Variants in NCALD observed in about 807,000 individuals in gnomAD.
The protein encoded by NCALD is neurocalcin delta, also known as neurocalcin-delta.
In NCALD, 10 loss-of-function variants were observed where a neutral mutation model predicts 18.6. That is an observed-to-expected ratio of 0.54 (90% confidence interval 0.33 to 0.91). The LOEUF (loss-of-function observed/expected upper bound fraction) is 0.91, where lower values mean the gene tolerates loss of function less well. Among genes scored for constraint, NCALD ranks in the 40% least tolerant of loss-of-function variants. The pLI, the probability that NCALD is intolerant of heterozygous loss-of-function variation, is 0.03. For synonymous variants in NCALD, 88 were observed against 87.4 expected, an observed-to-expected ratio of 1.01 and a Z score of -0.04; for missense variants, 184 against 247.6, an observed-to-expected ratio of 0.74 and a Z score of 1.72.
At chr8:101,851,624 C>A (rs1302845726) in intron 4 of NCALD, among the ~76,000 whole-genome samples, 1 of 152,174 alleles carries the variant, frequency 6.6e-6, no homozygotes, top group Non-Finnish European at 1.5e-5. Context: ...TGGACCCCAG[C>A]TACTCCATAC....
chr8:101,891,852 G>A (rs111571901), intron 3 of NCALD, among the ~76,000 whole-genome samples: 8,652 of 152,218 alleles, frequency 0.057, 647 homozygotes, highest in African/African-American at 0.17. Flanking sequence ...CACCTGGCTC[G>A]GAGGGTCCTA....
At chr8:102,042,519 T>A (rs1563567698) in intron 1 of NCALD, among the ~76,000 whole-genome samples, 1 of 151,824 alleles carries the variant, frequency 6.6e-6, no homozygotes, top group African/African-American at 2.4e-5. Context: ...TGTGTTGGAA[T>A]CCAAGTTTCT....
At chr8:102,018,724 C>T (rs1822173134) in intron 2 of NCALD, among the ~76,000 whole-genome samples, 1 of 152,078 alleles carries the variant, frequency 6.6e-6, no homozygotes, top group South Asian at 2.1e-4. Context: ...ATGAATTTTA[C>T]CATGTGTTAA....
intron 1 of NCALD, among the ~76,000 whole-genome samples, chr8:102,113,714 A>T (rs1369795844): frequency 6.6e-6 from 1 of 152,202 alleles, no homozygotes. Flanking sequence ...ACTCTCAAAA[A>T]TGTCCCAATG....
At chr8:101,984,431 C>T (rs1820729629) in intron 2 of NCALD, among the ~76,000 whole-genome samples, 1 of 152,272 alleles carries the variant, frequency 6.6e-6, no homozygotes, top group South Asian at 2.1e-4. Flanking sequence ...AGAATAAGGG[C>T]AAAAACCTGC....
At chr8:101,766,834 C>T (rs113654743) in intron 1 of NCALD, among the ~76,000 whole-genome samples, 6,174 of 152,278 alleles carry the variant, frequency 0.041, 304 homozygotes, top group African/African-American at 0.12. Context: ...CCACCTGGGC[C>T]TCCCAAAGTG....
chr8:101,921,206 A>C (rs749184980), intron 2 of NCALD, among the ~76,000 whole-genome samples: 5 of 152,042 alleles, frequency 3.3e-5, no homozygotes, highest in Non-Finnish European at 5.9e-5. Context: ...TTAGTCTGTC[A>C]AGTACAATTT....
At chr8:101,985,510 G>C (rs1179451412) in intron 2 of NCALD, among the ~76,000 whole-genome samples, 1 of 152,234 alleles carries the variant, frequency 6.6e-6, no homozygotes, top group African/African-American at 2.4e-5. Flanking sequence ...AGAGGATGGA[G>C]AAATGAGAGA....
chr8:101,986,539 C>T (rs999897536), intron 2 of NCALD: 2 of 152,282 alleles, frequency 1.3e-5, no homozygotes, highest in Non-Finnish European at 2.9e-5. Flanking sequence ...TCCCTGCCCA[C>T]CGCAGCTGCC....
chr8:102,007,780 G>A (rs1259379619), intron 2 of NCALD, among the ~76,000 whole-genome samples: 2 of 152,138 alleles, frequency 1.3e-5, no homozygotes, highest in Admixed American at 1.3e-4. Flanking sequence ...TGCAGTGCAT[G>A]TCCACACCCT....
At chr8:101,875,338 T>C (rs996261161) in intron 4 of NCALD, among the ~76,000 whole-genome samples, 4 of 152,324 alleles carry the variant, frequency 2.6e-5, no homozygotes, top group Admixed American at 2.6e-4. Flanking sequence ...AACAGCTAGC[T>C]CAGGCTGTCC....
chr8:102,076,507 T>C (rs1359430524), intron 1 of NCALD, among the ~76,000 whole-genome samples: 1 of 149,674 alleles, frequency 6.7e-6, no homozygotes, highest in East Asian at 1.9e-4. Flanking sequence ...CTCAAGGCCA[T>C]TAAACTCAAT....
At chr8:101,958,711 A>T (rs1050175365) in intron 2 of NCALD, among the ~76,000 whole-genome samples, 3 of 152,150 alleles carry the variant, frequency 2.0e-5, no homozygotes, top group Non-Finnish European at 4.4e-5. Context: ...AACTCACCCA[A>T]GGACACTCAG....
chr8:102,104,848 T>C (rs779539092), intron 1 of NCALD, among the ~76,000 whole-genome samples: 2 of 152,176 alleles, frequency 1.3e-5, no homozygotes, highest in Non-Finnish European at 2.9e-5. Context: ...GCCTGACCAA[T>C]CAGCTTGCCT....
intron 4 of NCALD, among the ~76,000 whole-genome samples, chr8:101,799,554 C>A (rs1245560677): frequency 6.6e-6 from 1 of 152,160 alleles, no homozygotes; most frequent in African/African-American, 2.4e-5. Flanking sequence ...AGTAAATGAA[C>A]TGTACTATAT....
At chr8:101,892,260 C>T (rs1221020078) in intron 3 of NCALD, among the ~76,000 whole-genome samples, 4 of 146,868 alleles carry the variant, frequency 2.7e-5, no homozygotes, top group Admixed American at 6.7e-5. Flanking sequence ...CACACTGACA[C>T]CTCACACGGC....
chr8:101,913,591 G>A (rs1817875462), intron 3 of NCALD, among the ~76,000 whole-genome samples: 1 of 151,860 alleles, frequency 6.6e-6, no homozygotes, highest in Non-Finnish European at 1.5e-5. Flanking sequence ...GTTTTGTTTT[G>A]CTTGTTTTGG....
At chr8:102,113,302 T>C (rs561955135) in intron 1 of NCALD, among the ~76,000 whole-genome samples, 21 of 152,314 alleles carry the variant, frequency 1.4e-4, no homozygotes, top group African/African-American at 4.6e-4. Flanking sequence ...AAATGATCAC[T>C]ATAGCAAGAA....
At chr8:102,006,870 G>A (rs1748925410) in intron 2 of NCALD, among the ~76,000 whole-genome samples, 1 of 152,178 alleles carries the variant, frequency 6.6e-6, no homozygotes, top group South Asian at 2.1e-4. Flanking sequence ...TCTCTCCAGA[G>A]TATGCCTTAT....
Sources: gnomAD v4.1 joint callset for allele counts (sites outside exome capture counted in the v4.1 genomes callset) on GRCh38, gnomAD v4.1.1 for gene constraint, MANE v1.5 for transcripts, NCBI Gene and HGNC (gene_info 2026-07-23, HGNC 2026-07-21) for gene names.